The following MYRIP variants were observed in gnomAD, a reference collection of about 807,000 sequenced individuals.
MYRIP encodes myosin VIIA and Rab interacting protein, also known as rab effector MyRIP.
In MYRIP, 49 loss-of-function variants were observed where a neutral mutation model predicts 98.0. That is an observed-to-expected ratio of 0.50 (90% CI 0.40 to 0.63). The LOEUF (loss-of-function observed/expected upper bound fraction) is 0.63. Among genes scored for constraint, MYRIP ranks in the 30% least tolerant of loss-of-function variants. The pLI, the probability that MYRIP is intolerant of heterozygous loss-of-function variation, is 0.00. For missense variants in MYRIP, 1,004 were observed against 1,058.2 expected, an observed-to-expected ratio of 0.95 and a Z score of 0.71; for synonymous variants, 404 against 409.5, an observed-to-expected ratio of 0.99 and a Z score of 0.16.
At chr3:39,992,105 G>A (rs1946193981) in intron 2 of MYRIP, among the ~76,000 whole-genome samples, 2 of 152,130 alleles carry the variant, frequency 1.3e-5, no homozygotes, top group Non-Finnish European at 2.9e-5. Flanking sequence ...AACATTGCGT[G>A]CCACCAAGTA....
intron 8 of MYRIP, among the ~76,000 whole-genome samples, chr3:40,170,925 G>A (rs771061348): frequency 6.6e-6 from 1 of 152,102 alleles, no homozygotes; most frequent in Non-Finnish European, 1.5e-5. Flanking sequence ...TAAAACGAGG[G>A]CATGCAAAGT....
intron 1 of MYRIP, among the ~76,000 whole-genome samples, chr3:39,873,520 G>A (rs1575327781): frequency 6.6e-6 from 1 of 152,174 alleles, no homozygotes; most frequent in South Asian, 2.1e-4. Flanking sequence ...TTGGTATAAG[G>A]TGTAAGGAAG....
chr3:40,232,926 A>AGAGGC (rs1952703293), intron 11 of MYRIP: 1 of 152,236 alleles, frequency 6.6e-6, no homozygotes, highest in African/African-American at 2.4e-5. Context: ...CATGATATTC[A>AGAGGC]GAGGCAGGTG....
intron 3 of MYRIP, among the ~76,000 whole-genome samples, chr3:40,125,961 C>A (rs1949518298): frequency 6.6e-6 from 1 of 152,158 alleles, no homozygotes; most frequent in South Asian, 2.1e-4. Flanking sequence ...CATCCAGATT[C>A]TCAGCCTCTC....
At chr3:40,184,646 G>C (rs533857236) in intron 9 of MYRIP, among the ~76,000 whole-genome samples, 1 of 149,426 alleles carries the variant, frequency 6.7e-6, no homozygotes, top group Admixed American at 6.6e-5. Flanking sequence ...AGTGATAAAT[G>C]TGTAGGATAT....
intron 2 of MYRIP, among the ~76,000 whole-genome samples, chr3:40,017,309 C>T (rs553827621): frequency 8.5e-5 from 13 of 152,256 alleles, no homozygotes; most frequent in East Asian, 1.9e-4. Context: ...CACTACAAAA[C>T]GATGAGTGTA....
At chr3:39,830,938 A>G (rs1941427150) in intron 1 of MYRIP, among the ~76,000 whole-genome samples, 1 of 152,146 alleles carries the variant, frequency 6.6e-6, no homozygotes, top group South Asian at 2.1e-4. Flanking sequence ...AGTTTCATCA[A>G]CTTCACCGGA....
chr3:40,196,724 A>G (rs1951404283), intron 10 of MYRIP, among the ~76,000 whole-genome samples: 1 of 152,202 alleles, frequency 6.6e-6, no homozygotes, highest in African/African-American at 2.4e-5. Context: ...TGTTCTGGGC[A>G]TTAACAAGAC....
chr3:39,814,867 T>C (rs958642058), intron 1 of MYRIP, among the ~76,000 whole-genome samples: 2 of 152,200 alleles, frequency 1.3e-5, no homozygotes. Flanking sequence ...CTTTTCACTA[T>C]TGATATGTTC....
chr3:39,832,334 C>G (rs1389584253), intron 1 of MYRIP, among the ~76,000 whole-genome samples: 1 of 152,116 alleles, frequency 6.6e-6, no homozygotes, highest in African/African-American at 2.4e-5. Flanking sequence ...TTCCTTTCTT[C>G]CTATTAGAAA....
chr3:39,934,932 G>T (rs1057015407), intron 2 of MYRIP, among the ~76,000 whole-genome samples: 12 of 152,124 alleles, frequency 7.9e-5, no homozygotes, highest in Admixed American at 7.2e-4. Context: ...TTTCCCTCTC[G>T]CTGATACTAT....
At position 40,170,100 on chromosome 3, in the gene MYRIP, C is replaced by A. The variant is rs369747418; in HGVS notation, c.873+7C>A. 7.8e-5 allele frequency: 126 copies of A among 1,613,914 alleles called. No homozygotes were observed. In the African/African-American group the frequency reaches 1.5e-3, roughly 19 times the overall value. ...TGCTCCCGCTGCCCTCTGGGTGAGT[C>A]CCCAAGCAGTGCTGGTCTACCCTCC... On this transcript the variant is annotated splice_region_variant and intron_variant, in intron 8 of 16. Transcript: ENST00000302541.
chr3:39,869,467 C>A (rs1050341826), intron 1 of MYRIP, among the ~76,000 whole-genome samples: 33 of 152,026 alleles, frequency 2.2e-4, no homozygotes, highest in African/African-American at 6.5e-4. Context: ...CTTATACTTT[C>A]ACTTAAGTCT....
chr3:40,135,471 C>T (rs994850962), intron 3 of MYRIP, among the ~76,000 whole-genome samples: 50 of 152,306 alleles, frequency 3.3e-4, no homozygotes, highest in African/African-American at 9.9e-4. Flanking sequence ...AGGATATTAT[C>T]CAGGAGAACT....
chr3:39,841,161 A>G (rs1016199979), intron 1 of MYRIP, among the ~76,000 whole-genome samples: 1 of 151,586 alleles, frequency 6.6e-6, no homozygotes, highest in African/African-American at 2.4e-5. Context: ...TTTCCTTTTC[A>G]TTCTTATTCT....
chr3:39,893,518 A>G (rs1943535507), intron 1 of MYRIP, among the ~76,000 whole-genome samples: 1 of 152,192 alleles, frequency 6.6e-6, no homozygotes, highest in African/African-American at 2.4e-5. Context: ...TGTTTCCTAT[A>G]ACATGATAAT....
chr3:40,161,009 G>A (rs889418038), intron 4 of MYRIP, among the ~76,000 whole-genome samples: 9 of 152,124 alleles, frequency 5.9e-5, no homozygotes, highest in East Asian at 3.9e-4. Flanking sequence ...GTTCCTATTC[G>A]ACCATCTTGG....
intron 13 of MYRIP, among the ~76,000 whole-genome samples, chr3:40,248,763 C>T (rs1336144426): frequency 2.0e-5 from 3 of 152,190 alleles, no homozygotes; most frequent in Non-Finnish European, 4.4e-5. Context: ...TAGCCTGCAA[C>T]TTTTCTCAGA....
chr3:40,033,115 A>G (rs1396530085), intron 2 of MYRIP, among the ~76,000 whole-genome samples: 1 of 150,112 alleles, frequency 6.7e-6, no homozygotes, highest in East Asian at 1.9e-4. Context: ...CCAATATCAT[A>G]CTGAATGGGC....
Sources: gnomAD v4.1 joint callset for allele counts (sites outside exome capture counted in the v4.1 genomes callset) on GRCh38, gnomAD v4.1.1 for gene constraint, MANE v1.5 for transcripts, NCBI Gene and HGNC (gene_info 2026-07-23, HGNC 2026-07-21) for gene names.